Variants in SNX29 observed in about 807,000 individuals in gnomAD.
SNX29 encodes sorting nexin 29.
In SNX29, 78 loss-of-function variants were observed where a neutral mutation model predicts 102.1. That is an observed-to-expected ratio of 0.76 (90% CI 0.64 to 0.92). The LOEUF is 0.92. SNX29 is among the 40% of genes least tolerant of loss of function. The pLI is 0.00. For missense variants in SNX29, 1,280 were observed against 1,061.7 expected (o/e 1.21, Z -2.86); for synonymous variants, 580 against 414.5 (o/e 1.40, Z -4.85).
At chr16:12,388,584 C>T (rs1458218537) in intron 16 of SNX29, among the ~76,000 whole-genome samples, 1 of 152,230 alleles carries the variant, frequency 6.6e-6, no homozygotes, top group Admixed American at 6.5e-5. Context: ...CTGTGCGGGT[C>T]ACGCTGTCTC....
chr16:12,200,483 G>A (rs4781193), intron 14 of SNX29, among the ~76,000 whole-genome samples: 131,787 of 151,264 alleles, frequency 0.87, 60,350 homozygotes, highest in East Asian at 1. Context: ...CCACATTCAC[G>A]TGTCTTTTTT....
intron 19 of SNX29, among the ~76,000 whole-genome samples, chr16:12,486,001 G>A (rs1420436745): frequency 6.6e-6 from 1 of 152,184 alleles, no homozygotes; most frequent in Non-Finnish European, 1.5e-5. Context: ...ATTTATTCTA[G>A]TACAGTTCAG....
chr16:12,253,825 C>CTGGAGTGT (rs1242228132), intron 14 of SNX29, among the ~76,000 whole-genome samples: 2 of 152,016 alleles, frequency 1.3e-5, no homozygotes, highest in Non-Finnish European at 2.9e-5. Context: ...TGTGTGGAGA[C>CTGGAGTGT]TGGAGTGTGG....
rs566271952 is a variant in SNX29 at position 12,540,370 on chromosome 16, T to G, written c.2318+15529T>G. ...CGTTATCCCCTGTATTAATTTCTTA[T>G]TGTTGCCCTACCAAATTGGCACAAA... On this transcript the variant is annotated intron_variant, in intron 20 of 20. Transcript: ENST00000566228. Among the ~76,000 whole-genome samples the G allele has an allele frequency of 1.1e-4, 16 of 152,322 alleles. No homozygotes were observed. In the South Asian group the frequency reaches 2.7e-3, roughly 26 times the overall value.
chr16:12,505,383 A>G (rs964131563), intron 19 of SNX29, among the ~76,000 whole-genome samples: 7 of 152,328 alleles, frequency 4.6e-5, no homozygotes, highest in African/African-American at 1.4e-4. Context: ...CATTGTTTCC[A>G]CATTGAATTT....
chr16:12,391,971 CGT>C (rs2083546342), intron 16 of SNX29, among the ~76,000 whole-genome samples: 1 of 152,174 alleles, frequency 6.6e-6, no homozygotes, highest in African/African-American at 2.4e-5. Flanking sequence ...AATAGATCAT[CGT>C]CTCTCCTCTG....
chr16:12,279,563 G>C (rs752564161), intron 15 of SNX29, among the ~76,000 whole-genome samples: 1 of 152,204 alleles, frequency 6.6e-6, no homozygotes, highest in African/African-American at 2.4e-5. Flanking sequence ...GACTTGGCTG[G>C]TGGCAGTGCC....
chr16:12,141,830 G>A (rs12919535), intron 13 of SNX29, among the ~76,000 whole-genome samples: 3,221 of 152,180 alleles, frequency 0.021, 68 homozygotes, highest in South Asian at 0.035. Context: ...CTGTTTTATC[G>A]TCATGGTCTT....
intron 5 of SNX29, among the ~76,000 whole-genome samples, chr16:12,045,610 A>ATTATTATTATTAT (rs2050054355): frequency 7.9e-6 from 1 of 127,294 alleles, no homozygotes; most frequent in South Asian, 2.5e-4. Context: ...GGCAGGCATT[A>ATTATTATTATTAT]TATTATTATT....
At chr16:12,559,740 T>C (rs904778790) in intron 20 of SNX29, among the ~76,000 whole-genome samples, 3 of 152,082 alleles carry the variant, frequency 2.0e-5, no homozygotes, top group Non-Finnish European at 2.9e-5. Context: ...GATGAAATAG[T>C]GATGCCCAGC....
intron 15 of SNX29, among the ~76,000 whole-genome samples, chr16:12,292,097 G>T (rs192751802): frequency 1.3e-5 from 2 of 152,322 alleles, no homozygotes; most frequent in Non-Finnish European, 2.9e-5. Context: ...AGATAGTGCA[G>T]AAATGTTCAT....
intron 15 of SNX29, among the ~76,000 whole-genome samples, chr16:12,351,270 C>A (rs1276019154): frequency 6.6e-6 from 1 of 152,184 alleles, no homozygotes; most frequent in East Asian, 1.9e-4. Flanking sequence ...TTTAACAAAA[C>A]AGGTGCAATG....
chr16:12,565,172 A>ACC (rs1296626264), intron 20 of SNX29, among the ~76,000 whole-genome samples: 1 of 151,880 alleles, frequency 6.6e-6, no homozygotes, highest in Non-Finnish European at 1.5e-5. Flanking sequence ...TCCCAGTCCT[A>ACC]CCCAACCCCC....
intron 15 of SNX29, among the ~76,000 whole-genome samples, chr16:12,337,047 T>C (rs1427507995): frequency 2.0e-5 from 3 of 152,118 alleles, no homozygotes; most frequent in African/African-American, 4.8e-5. Context: ...CTGGGAGATG[T>C]TTTCTCAGTT....
intron 10 of SNX29, among the ~76,000 whole-genome samples, chr16:12,076,461 C>T (rs35371652): frequency 0.22 from 33,229 of 152,044 alleles, 4,108 homozygotes; most frequent in African/African-American, 0.34. Context: ...CCACCATGCC[C>T]GGCTAATTTT....
rs546440506 is a variant in SNX29, at chr16:12,370,946, C to G, written c.1899+14667C>G. 7.3e-4 allele frequency among the ~76,000 whole-genome samples: 111 copies of G among 152,334 alleles called. 1 individual carries two copies. Among genetic ancestry groups the G allele is most frequent in the African/African-American group, 2.5e-3 (104 of 41,578 alleles). Reference sequence around the variant, plus strand: ...TTTGACCTGTTCTTCTGGAAATAACCTCTTCTTGAGGGGTGGGCACCACCT... The same window carrying G: ...TTTGACCTGTTCTTCTGGAAATAACGTCTTCTTGAGGGGTGGGCACCACCT... On this transcript the variant is annotated intron_variant, in intron 16 of 20. Coordinates refer to ENST00000566228, the MANE Select transcript of SNX29 (RefSeq NM_032167.5).
intron 18 of SNX29, chr16:12,443,448 A>C (rs2085900886): frequency 6.5e-6 from 1 of 153,726 alleles, no homozygotes; most frequent in African/African-American, 2.4e-5. Context: ...AAATCTTTCT[A>C]AGAGGAGCAT....
At chr16:11,983,858 G>A (rs941964073) in intron 1 of SNX29, 4 of 289,686 alleles carry the variant, frequency 1.4e-5, no homozygotes, top group East Asian at 1.7e-4. Flanking sequence ...TACATAGGCC[G>A]TATATTTGCA....
intron 13 of SNX29, among the ~76,000 whole-genome samples, chr16:12,149,077 G>A (rs1247717154): frequency 6.6e-6 from 1 of 152,180 alleles, no homozygotes; most frequent in African/African-American, 2.4e-5. Context: ...ATAGAGCTCA[G>A]TGGATGTTTG....
Sources: gnomAD v4.1 joint callset for allele counts (sites outside exome capture counted in the v4.1 genomes callset) on GRCh38, gnomAD v4.1.1 for gene constraint, MANE v1.5 for transcripts, NCBI Gene and HGNC (gene_info 2026-07-23, HGNC 2026-07-21) for gene names.